GFPT1: variants seen among roughly 807,000 people sequenced by gnomAD.
GFPT1 encodes the protein glutamine--fructose-6-phosphate transaminase 1.
In GFPT1, 40 loss-of-function variants were observed where a neutral mutation model predicts 92.0. That is an observed-to-expected ratio of 0.43 (90% CI 0.34 to 0.57). The LOEUF is 0.57. Among genes scored for constraint, GFPT1 ranks in the 20% least tolerant of loss-of-function variants. GFPT1 has a pLI of 0.02. For missense variants in GFPT1, 448 were observed against 869.1 expected (o/e 0.52, Z 6.09); for synonymous variants, 269 against 280.6 (o/e 0.96, Z 0.41).
chr2:69,380,049 A>C (rs532830607), intron 1 of GFPT1, among the ~76,000 whole-genome samples: 1 of 152,046 alleles, frequency 6.6e-6, no homozygotes, highest in African/African-American at 2.4e-5. Context: ...CTAAAAGCAC[A>C]TATAAAGGCC....
Position 69,348,085 on chromosome 2 carries a change from T to C in GFPT1, c.1009+86A>G. On this transcript the variant is annotated intron_variant, in intron 11 of 19. Transcript: ENST00000357308. ...TGTGGAAGATTCCACTCATCATTCA[T>C]TACTAGATTTAATATGCTAGGAAAG... The C allele has an allele frequency of 1.5e-5, 15 of 1,032,006 alleles. 1 individual carries two copies. In the South Asian group the frequency reaches 1.9e-4, roughly 13 times the overall value. The allele number at this position is 1,032,006 out of a possible 1,614,324, so 63.9% of individuals were successfully genotyped here. A position where few individuals can be genotyped will look rare whatever the true frequency, so the allele number is the denominator to read the frequency against.
At chr2:69,384,210 A>C (rs995761377) in intron 1 of GFPT1, among the ~76,000 whole-genome samples, 1 of 152,208 alleles carries the variant, frequency 6.6e-6, no homozygotes, top group Non-Finnish European at 1.5e-5. Flanking sequence ...TCAAAAAACA[A>C]AACAAAACAT....
intron 15 of GFPT1, among the ~76,000 whole-genome samples, chr2:69,332,253 A>ACT (rs1383429524): frequency 6.8e-6 from 1 of 146,582 alleles, no homozygotes; most frequent in Non-Finnish European, 1.5e-5. Context: ...TTGGCCACAC[A>ACT]CTCTAAATTT....
intron 9 of GFPT1, among the ~76,000 whole-genome samples, chr2:69,352,372 T>C (rs1671227614): frequency 6.6e-6 from 1 of 151,982 alleles, no homozygotes; most frequent in Non-Finnish European, 1.5e-5. Context: ...CCCAGCACTT[T>C]GGGAGGCCGA....
At chr2:69,370,340 G>A (rs1218282275) in intron 2 of GFPT1, among the ~76,000 whole-genome samples, 1 of 152,080 alleles carries the variant, frequency 6.6e-6, no homozygotes, top group Non-Finnish European at 1.5e-5. Flanking sequence ...CTATCGAGAA[G>A]ACAGACAAGG....
At chr2:69,339,468 T>C (rs1347152296) in intron 13 of GFPT1, among the ~76,000 whole-genome samples, 1 of 152,228 alleles carries the variant, frequency 6.6e-6, no homozygotes, top group African/African-American at 2.4e-5. Flanking sequence ...TAAATTTCCA[T>C]TCTAATTATT....
intron 1 of GFPT1, among the ~76,000 whole-genome samples, chr2:69,385,844 T>TA (rs758488560): frequency 2.6e-5 from 4 of 151,954 alleles, no homozygotes; most frequent in Non-Finnish European, 5.9e-5. Flanking sequence ...GGTTTTTTTT[T>TA]AATCTACTCT....
In GFPT1 at chr2:69,326,251, A is replaced by AAAAAGC; in HGVS notation, c.2056-19_2056-18insGCTTTT. ...AAATCAACCTGCAAAAAGAAAAAAA[A>AAAAAGC]AAAAAGCAAGATTTGAGAGATTATA... On this transcript the variant is annotated intron_variant, in intron 19 of 19. Transcript: ENST00000357308. The AAAAAGC allele has an allele frequency of 6.3e-7, 1 of 1,587,536 alleles. No individual in the cohort carries two copies. Among genetic ancestry groups the AAAAAGC allele is most frequent in the Non-Finnish European group, 8.6e-7 (1 of 1,161,680 alleles).
At position 69,383,689 on chromosome 2, in the gene GFPT1, T is replaced by C. The variant is rs551427249; in HGVS notation, c.7+3376A>G. On this transcript the variant is annotated intron_variant, in intron 1 of 19. Coordinates refer to ENST00000357308, the MANE Select transcript of GFPT1 (RefSeq NM_001244710.2). Reference sequence around the variant, plus strand: ...CGCCCAGGCTGGAGTAGAATGGCACTATCTCAGCTCACTGCAACCTCCACC... The same window carrying C: ...CGCCCAGGCTGGAGTAGAATGGCACCATCTCAGCTCACTGCAACCTCCACC... 1.5e-3 allele frequency among the ~76,000 whole-genome samples: 223 copies of C among 152,304 alleles called. No homozygotes were observed. The Middle Eastern group carries it at 0.02, about 14-fold the overall frequency.
intron 9 of GFPT1, among the ~76,000 whole-genome samples, chr2:69,352,507 G>C (rs1671231656): frequency 6.6e-6 from 1 of 150,502 alleles, no homozygotes; most frequent in Admixed American, 6.6e-5. Flanking sequence ...CAGCTACTCA[G>C]GAGGCTGAGG....
chr2:69,344,238 T>C (rs951718871), intron 12 of GFPT1, among the ~76,000 whole-genome samples: 3 of 149,294 alleles, frequency 2.0e-5, no homozygotes, highest in Non-Finnish European at 3.0e-5. Flanking sequence ...AAGACCTGTA[T>C]TGCAGATGAT....
chr2:69,370,017 C>T lies in GFPT1; in HGVS notation c.207G>A (p.Leu69=). The T allele has an allele frequency of 6.3e-7, 1 of 1,581,240 alleles. No individual in the cohort carries two copies. Among genetic ancestry groups the T allele is most frequent in the South Asian group, 1.1e-5 (1 of 90,388 alleles). Reference sequence around the variant, plus strand: ...GTACGTTACTGTGAACTTCTTCATCCAGTGCCTTAACTTTTCCTTTCTTCT... The same window carrying T: ...GTACGTTACTGTGAACTTCTTCATCTAGTGCCTTAACTTTTCCTTTCTTCT... ...LIKKKGKVKA[L]DEEVHKQQDM... Residue 69 remains leucine, a synonymous_variant, in exon 3 of 20, where the codon CTG becomes CTA. Coordinates refer to ENST00000357308, the MANE Select transcript of GFPT1 (RefSeq NM_001244710.2).
intron 13 of GFPT1, among the ~76,000 whole-genome samples, chr2:69,340,499 A>G (rs1245886727): frequency 6.6e-6 from 1 of 152,224 alleles, no homozygotes; most frequent in African/African-American, 2.4e-5. Flanking sequence ...CATCACTGGA[A>G]CGTTAAGCAT....
At chr2:69,353,550 G>C (rs1671261925) in intron 9 of GFPT1, among the ~76,000 whole-genome samples, 1 of 151,636 alleles carries the variant, frequency 6.6e-6, no homozygotes, top group African/African-American at 2.4e-5. Flanking sequence ...AGAATTAGCT[G>C]GGTATGATGG....
At chr2:69,344,154 T>C (rs1014445148) in intron 12 of GFPT1, among the ~76,000 whole-genome samples, 1 of 112,346 alleles carries the variant, frequency 8.9e-6, no homozygotes, top group Admixed American at 1.3e-4. Context: ...ATCAGGGTCA[T>C]GCAAAGGCAA....
At chr2:69,359,422 T>A (rs1671416941) in intron 4 of GFPT1, 96 bp from the exon 5 acceptor site, 1 of 712,174 alleles carries the variant, frequency 1.4e-6, no homozygotes, top group Non-Finnish European at 2.6e-6. Context: ...AGTCAAAAAT[T>A]TTTAACATGC....
rs556500046 is a variant in GFPT1, at chr2:69,352,604, C to T, written c.739+1655G>A. 4.2e-3 allele frequency among the ~76,000 whole-genome samples: 376 copies of T among 88,654 alleles called. 3 individuals carry two copies. Among genetic ancestry groups the T allele is most frequent in the African/African-American group, 0.018 (360 of 19,568 alleles). 58.2% of individuals were successfully genotyped at this position (88,654 alleles called of 152,430 possible). ...CTACAGCCTGAGCAACAGAGCGAGA[C>T]TTCGTCTCAAAAAAAAAAAAAAAAA... is the stretch of plus-strand genomic sequence containing the variant. On this transcript the variant is annotated intron_variant, in intron 9 of 19. Transcript: ENST00000357308.
intron 15 of GFPT1, among the ~76,000 whole-genome samples, chr2:69,330,190 G>A (rs953018710): frequency 2.0e-5 from 3 of 152,248 alleles, no homozygotes; most frequent in Non-Finnish European, 4.4e-5. Flanking sequence ...GGGACAGAGT[G>A]AGACCCTGTC....
intron 4 of GFPT1, among the ~76,000 whole-genome samples, chr2:69,362,005 G>A (rs990630012): frequency 6.6e-6 from 1 of 151,938 alleles, no homozygotes; most frequent in African/African-American, 2.4e-5. Flanking sequence ...AAAATGGGGA[G>A]GGATAAATAC....
Sources: gnomAD v4.1 joint callset for allele counts (sites outside exome capture counted in the v4.1 genomes callset) on GRCh38, gnomAD v4.1.1 for gene constraint, MANE v1.5 for transcripts, NCBI Gene and HGNC (gene_info 2026-07-23, HGNC 2026-07-21) for gene names.